The following ACVR1C variants were observed in gnomAD, a reference collection of about 807,000 sequenced individuals.
ACVR1C encodes the protein activin A receptor type 1C, also known as activin receptor type-1C.
ACVR1C carries 23 observed loss-of-function variants against 57.9 expected under a neutral mutation model. That is an observed-to-expected ratio of 0.40 (90% confidence interval 0.29 to 0.56). The LOEUF is 0.56. Among genes scored for constraint, ACVR1C ranks in the 20% least tolerant of loss-of-function variants. ACVR1C has a pLI of 0.50. For synonymous variants in ACVR1C, 214 were observed against 215.3 expected (o/e 0.99, Z 0.05); for missense variants, 480 against 607.9 (o/e 0.79, Z 2.21).
intron 2 of ACVR1C, among the ~76,000 whole-genome samples, chr2:157,572,768 T>C (rs1688547303): frequency 6.6e-6 from 1 of 152,190 alleles, no homozygotes; most frequent in African/African-American, 2.4e-5. Context: ...TAGATGCTTA[T>C]ATTTCAGAGC....
chr2:157,566,406 G>A (rs898825458), intron 2 of ACVR1C, among the ~76,000 whole-genome samples: 10 of 152,246 alleles, frequency 6.6e-5, no homozygotes, highest in Non-Finnish European at 1.2e-4. Flanking sequence ...CCCAGCGTGA[G>A]CGACGCAGAA....
intron 1 of ACVR1C, among the ~76,000 whole-genome samples, chr2:157,595,637 A>G (rs147137794): frequency 2.0e-5 from 3 of 152,246 alleles, no homozygotes; most frequent in East Asian, 3.9e-4. Flanking sequence ...ATGGATTCCA[A>G]TTACATTTAG....
chr2:157,542,505 T>C (rs1255880862), intron 6 of ACVR1C, among the ~76,000 whole-genome samples: 2 of 152,194 alleles, frequency 1.3e-5, no homozygotes, highest in Admixed American at 1.3e-4. Context: ...ATGGCTGCAA[T>C]CCATATGGCC....
At chr2:157,544,071 T>C (rs12615538) in intron 5 of ACVR1C, among the ~76,000 whole-genome samples, 111,655 of 143,094 alleles carry the variant, frequency 0.78, 43,896 homozygotes, top group East Asian at 0.92. Flanking sequence ...CAGGGTCTCG[T>C]TCTGTCACCC....
At chr2:157,606,839 G>A (rs1383233934) in intron 1 of ACVR1C, among the ~76,000 whole-genome samples, 8 of 151,508 alleles carry the variant, frequency 5.3e-5, no homozygotes, top group African/African-American at 1.9e-4. Flanking sequence ...TTCTATCTTT[G>A]TTTTTGTTCC....
chr2:157,596,045 C>T (rs754095104), intron 1 of ACVR1C, among the ~76,000 whole-genome samples: 9 of 152,152 alleles, frequency 5.9e-5, no homozygotes, highest in South Asian at 2.1e-4. Context: ...CACATCCCAA[C>T]GTTTAGAATA....
intron 1 of ACVR1C, among the ~76,000 whole-genome samples, chr2:157,613,729 G>A (rs564831563): frequency 1.7e-3 from 266 of 152,218 alleles, no homozygotes; most frequent in Non-Finnish European, 3.0e-3. Flanking sequence ...AGAAAATAAT[G>A]TATTATCCTG....
chr2:157,600,964 C>T (rs1349447255), intron 1 of ACVR1C, among the ~76,000 whole-genome samples: 1 of 152,002 alleles, frequency 6.6e-6, no homozygotes, highest in Non-Finnish European at 1.5e-5. Context: ...TTTTAAAATC[C>T]ATAATGCTTT....
In ACVR1C at chr2:157,532,573, C is replaced by T. The variant is rs1055111752; in HGVS notation, c.*1345G>A. 6.6e-6 allele frequency: 1 copy of T among 151,860 alleles called. No individual in the cohort carries two copies. Among genetic ancestry groups the T allele is most frequent in the African/African-American group, 2.4e-5 (1 of 41,338 alleles). The allele number at this position is 151,860 out of a possible 1,614,324, so 9.4% of individuals were successfully genotyped here. A position where few individuals can be genotyped will look rare whatever the true frequency, so the allele number is the denominator to read the frequency against. On this transcript the variant is annotated 3_prime_UTR_variant, in exon 9 of 9. Coordinates refer to ENST00000243349, the MANE Select transcript of ACVR1C (RefSeq NM_145259.3). The stretch of plus-strand genomic sequence containing the variant: ...GCATAAAAGACATCATGTTAAATCT[C>T]GTTTACCAAAGTAAAATTATAGATT...
chr2:157,554,421 CAAAG>C (rs1210568897), intron 3 of ACVR1C, among the ~76,000 whole-genome samples: 3 of 150,088 alleles, frequency 2.0e-5, no homozygotes, highest in Admixed American at 6.6e-5. Context: ...AGGAAGGAGA[CAAAG>C]GAAGGAAGGA....
At chr2:157,615,651 C>T (rs917696762) in intron 1 of ACVR1C, among the ~76,000 whole-genome samples, 1 of 152,040 alleles carries the variant, frequency 6.6e-6, no homozygotes, top group Admixed American at 6.6e-5. Flanking sequence ...GCTGGGATTA[C>T]ATAAGTTCTT....
chr2:157,581,531 G>C (rs1338519166), intron 2 of ACVR1C, among the ~76,000 whole-genome samples: 1 of 151,990 alleles, frequency 6.6e-6, no homozygotes, highest in Non-Finnish European at 1.5e-5. Context: ...GAAAAATTTT[G>C]TCACACACAC....
At chr2:157,554,268 A>AAAGAAAGAAAGAAAGAAAGAAAGGAAGG (rs1261113225) in intron 3 of ACVR1C, among the ~76,000 whole-genome samples, 11 of 113,602 alleles carry the variant, frequency 9.7e-5, no homozygotes, top group African/African-American at 4.6e-4. Flanking sequence ...AGAAAGAAAG[A>AAAGAAAGAAAGAAAGAAAGAAAGGAAGG]AAGGAAGGAA....
In ACVR1C at chr2:157,533,919, T is replaced by C. The variant is rs979898302; in HGVS notation, c.1481A>G (p.Ter494=). ...QLCVKEDCKA[*] is the part of the protein sequence containing the mutation. The stretch of plus-strand genomic sequence containing the variant: ...TTCTTTTTAACATAATTATCATCAT[T>C]AGGCTTTGCAGTCTTCTTTGACACA... Residue 494 remains the stop codon, a stop_retained_variant, in exon 9 of 9, where the codon TAA becomes TGA. Transcript: ENST00000243349. 2.6e-6 allele frequency: 4 copies of C among 1,567,426 alleles called. No individual in the cohort carries two copies. Among genetic ancestry groups the C allele is most frequent in the African/African-American group, 2.8e-5 (2 of 71,490 alleles).
intron 3 of ACVR1C, among the ~76,000 whole-genome samples, chr2:157,553,751 G>A (rs1409612078): frequency 1.3e-5 from 2 of 152,168 alleles, no homozygotes; most frequent in African/African-American, 4.8e-5. Context: ...ATTATATAAG[G>A]TTTCAAGAAA....
At chr2:157,584,784 G>T (rs978036967) in intron 2 of ACVR1C, among the ~76,000 whole-genome samples, 5 of 152,202 alleles carry the variant, frequency 3.3e-5, no homozygotes, top group Non-Finnish European at 5.9e-5. Context: ...GTACGTGAAT[G>T]CTCATAACAG....
chr2:157,561,092 G>T (rs1456550798), intron 2 of ACVR1C, among the ~76,000 whole-genome samples: 1 of 152,124 alleles, frequency 6.6e-6, no homozygotes, highest in East Asian at 1.9e-4. Context: ...AAAAAACAGA[G>T]ACCTTCATCC....
chr2:157,562,459 AAAAATAAAATAAAATAAAATAAAAT>A (rs145869067), intron 2 of ACVR1C, among the ~76,000 whole-genome samples: 51 of 108,192 alleles, frequency 4.7e-4, no homozygotes, highest in African/African-American at 1.4e-3. Flanking sequence ...TACCAACCAA[AAAAATAAAATAAAATAAAATAAAAT>A]AAAATAAAAT....
intron 1 of ACVR1C, among the ~76,000 whole-genome samples, chr2:157,615,708 G>A (rs1199789154): frequency 6.6e-6 from 1 of 151,992 alleles, no homozygotes; most frequent in Non-Finnish European, 1.5e-5. Context: ...AAAACTTCAT[G>A]TAGTATGGAA....
Sources: gnomAD v4.1 joint callset for allele counts (sites outside exome capture counted in the v4.1 genomes callset) on GRCh38, gnomAD v4.1.1 for gene constraint, MANE v1.5 for transcripts, NCBI Gene and HGNC (gene_info 2026-07-23, HGNC 2026-07-21) for gene names.